SIK2: variants seen among roughly 807,000 people sequenced by gnomAD.
SIK2 encodes salt inducible kinase 2.
SIK2 carries 29 observed loss-of-function variants against 103.2 expected under a neutral mutation model. The ratio of observed to expected loss-of-function variants is 0.28; its 90% confidence interval spans 0.21 to 0.38. The LOEUF is 0.38. SIK2 is among the 10% of genes least tolerant of loss of function. The pLI is 1.00. For synonymous variants in SIK2, 412 were observed against 446.1 expected (o/e 0.92, Z 0.96); for missense variants, 879 against 1,171.0 (o/e 0.75, Z 3.64).
At chr11:111,714,601 A>C (rs551655291) in intron 9 of SIK2, among the ~76,000 whole-genome samples, 2 of 152,202 alleles carry the variant, frequency 1.3e-5, no homozygotes, top group Non-Finnish European at 2.9e-5. Context: ...ATAGACTATT[A>C]AGGTCTAGGG....
At chr11:111,620,250 T>G (rs1394044900) in intron 2 of SIK2, 89 bp from the exon 3 acceptor site, 5 of 812,294 alleles carry the variant, frequency 6.2e-6, no homozygotes, top group Non-Finnish European at 1.0e-5. Context: ...ATTCTTTTAT[T>G]AGTAGTTTCA....
chr11:111,643,439 C>T (rs1358212626), intron 3 of SIK2, among the ~76,000 whole-genome samples: 2 of 151,568 alleles, frequency 1.3e-5, no homozygotes, highest in Admixed American at 6.6e-5. Flanking sequence ...CAAACCTGTA[C>T]GTTCTGCCAT....
Position 111,630,181 on chromosome 11 carries a change from A to G in SIK2, c.316+9779A>G, listed in dbSNP as rs118109085. Among the ~76,000 whole-genome samples the G allele has an allele frequency of 6.7e-3, 1,016 of 152,334 alleles. 8 individuals carry two copies. Among genetic ancestry groups the G allele is most frequent in the Middle Eastern group, 0.061 (18 of 294 alleles). ...TTTATGCATGCAACAACATGCATAC[A>G]TCTTACAGACATGTGCTAAGTAAAA... On this transcript the variant is annotated intron_variant, in intron 3 of 14. Transcript: ENST00000304987.
chr11:111,708,377 G>A lies in SIK2; in HGVS notation c.1101+3238G>A, dbSNP rs571854251. 1.1e-3 allele frequency among the ~76,000 whole-genome samples: 165 copies of A among 151,964 alleles called. 1 individual carries two copies. The highest frequency in any genetic ancestry group is 3.8e-3 in the African/African-American group (157 of 41,426). ...AGTCTGGGCGACACAGTGAGGTTCT[G>A]TCCCAAAAAGTAAAACATAAAAAAA... On this transcript the variant is annotated intron_variant, in intron 8 of 14. Coordinates refer to ENST00000304987, the MANE Select transcript of SIK2 (RefSeq NM_015191.3).
At chr11:111,677,098 T>C (rs1942712584) in intron 3 of SIK2, among the ~76,000 whole-genome samples, 1 of 152,180 alleles carries the variant, frequency 6.6e-6, no homozygotes, top group African/African-American at 2.4e-5. Flanking sequence ...AAAGTACCTA[T>C]TTGGGGAATT....
chr11:111,643,914 T>C (rs1942217004), intron 3 of SIK2, among the ~76,000 whole-genome samples: 1 of 150,462 alleles, frequency 6.6e-6, no homozygotes, highest in African/African-American at 2.5e-5. Context: ...GCCCAGGAGG[T>C]CGAGGCTACA....
At chr11:111,640,154 T>C (rs1213104635) in intron 3 of SIK2, among the ~76,000 whole-genome samples, 2 of 152,216 alleles carry the variant, frequency 1.3e-5, no homozygotes, top group Non-Finnish European at 2.9e-5. Context: ...CTCTTGCTGT[T>C]TTTTGTGTCT....
intron 8 of SIK2, among the ~76,000 whole-genome samples, chr11:111,708,401 A>T (rs1202840908): frequency 2.6e-5 from 4 of 152,170 alleles, no homozygotes; most frequent in South Asian, 4.1e-4. Flanking sequence ...AACATAAAAA[A>T]AAATAAATAA....
In SIK2 at chr11:111,725,053, A is replaced by G. The variant is rs1943925194; in HGVS notation, c.*924A>G. On this transcript the variant is annotated 3_prime_UTR_variant, in exon 15 of 15. Transcript: ENST00000304987. ...GTAATAACTACTTTGACCTTACACT[A>G]TATGTTGCTAGTAGTTTATTGAGCT... 2 of 152,564 alleles carry G rather than the reference A, an allele frequency of 1.3e-5. No individual in the cohort carries two copies. Among genetic ancestry groups the G allele is most frequent in the African/African-American group, 4.8e-5 (2 of 41,428 alleles). 9.5% of individuals were successfully genotyped at this position (152,564 alleles called of 1,614,324 possible). A position where few individuals can be genotyped will look rare whatever the true frequency, so the allele number is the denominator to read the frequency against.
At chr11:111,648,901 T>A (rs1330267656) in intron 3 of SIK2, among the ~76,000 whole-genome samples, 1 of 152,190 alleles carries the variant, frequency 6.6e-6, no homozygotes, top group Non-Finnish European at 1.5e-5. Context: ...AGCATGTAGA[T>A]CTTTTGGAGA....
At position 111,701,085 on chromosome 11, in the gene SIK2, C is replaced by T; in HGVS notation, c.603+75C>T. 6.5e-7 allele frequency: 1 copy of T among 1,536,316 alleles called. No individual in the cohort carries two copies. Among genetic ancestry groups the T allele is most frequent in the Non-Finnish European group, 8.8e-7 (1 of 1,134,752 alleles). The stretch of plus-strand genomic sequence containing the variant: ...TTGGTGTTCTGGCCCATCTTAGAAG[C>T]TCCTGGTACTTAACACATAAGCAGT... On this transcript the variant is annotated intron_variant, in intron 5 of 14. Transcript: ENST00000304987. The surrounding 1 kb of genome is among the most constrained non-coding windows in gnomAD (Gnocchi z 4.2).
chr11:111,670,635 G>GCTC (rs1205842616), intron 3 of SIK2, among the ~76,000 whole-genome samples: 1 of 152,254 alleles, frequency 6.6e-6, no homozygotes, highest in Non-Finnish European at 1.5e-5. Flanking sequence ...CAAGGCTTGA[G>GCTC]CTCCTCTTGG....
intron 9 of SIK2, among the ~76,000 whole-genome samples, chr11:111,719,012 C>T (rs772852538): frequency 6.6e-6 from 1 of 152,168 alleles, no homozygotes; most frequent in Non-Finnish European, 1.5e-5. Flanking sequence ...AGCTGTGCTG[C>T]GCTCACCCCT....
chr11:111,636,097 G>T (rs976762993), intron 3 of SIK2, among the ~76,000 whole-genome samples: 5 of 152,286 alleles, frequency 3.3e-5, no homozygotes, highest in Admixed American at 3.3e-4. Flanking sequence ...TGTGAAAGGG[G>T]ATAACCAGAG....
chr11:111,682,291 C>A (rs889816743), intron 3 of SIK2, among the ~76,000 whole-genome samples: 4 of 152,062 alleles, frequency 2.6e-5, no homozygotes, highest in African/African-American at 9.7e-5. Context: ...AAGGACAAAT[C>A]CAGAATATAG....
Position 111,700,896 on chromosome 11 carries a change from T to C in SIK2, c.489T>C (p.Phe163=), listed in dbSNP as rs1368535883. ...TTTCCATCCTAATAGATTTCGGTTT[T>C]GGAAATTTCTTTAAAAGTGGTGAAC... is the stretch of plus-strand genomic sequence containing the variant. ...NMNIKIADFG[F]GNFFKSGELL... is the part of the protein sequence containing the mutation. The change falls in exon 5 of 15, where the codon TTT becomes TTC. Residue 163 remains phenylalanine, a synonymous_variant. Transcript: ENST00000304987. 1.2e-5 allele frequency: 20 copies of C among 1,613,888 alleles called. No individual in the cohort carries two copies. The highest frequency in any genetic ancestry group is 2.2e-5 in the East Asian group (1 of 44,896).
intron 8 of SIK2, among the ~76,000 whole-genome samples, chr11:111,710,783 T>G (rs1471094287): frequency 6.6e-6 from 1 of 152,234 alleles, no homozygotes; most frequent in Admixed American, 6.5e-5. Flanking sequence ...TCACACAATT[T>G]GTACGTGATG....
chr11:111,697,123 T>C (rs1352921345), intron 4 of SIK2, among the ~76,000 whole-genome samples: 1 of 152,236 alleles, frequency 6.6e-6, no homozygotes, highest in African/African-American at 2.4e-5. Context: ...GTAGTTAAAC[T>C]TGGTTTCTAT....
rs1048608965 is a variant in SIK2, at chr11:111,712,093, A to G, written c.1102-118A>G. 72 of 1,100,790 alleles carry G rather than the reference A, an allele frequency of 6.5e-5. No homozygotes were observed. The African/African-American group carries it at 6.9e-4, about 11-fold the overall frequency. 68.2% of individuals were successfully genotyped at this position (1,100,790 alleles called of 1,614,324 possible). A position where few individuals can be genotyped will look rare whatever the true frequency, so the allele number is the denominator to read the frequency against. ...TCACTAAATCTTTCTGGAGTTTCCA[A>G]TAAATAAATATTCATTCTTTAATTG... On this transcript the variant is annotated intron_variant, in intron 8 of 14. Transcript: ENST00000304987.
Sources: gnomAD v4.1 joint callset for allele counts (sites outside exome capture counted in the v4.1 genomes callset) on GRCh38, gnomAD v4.1.1 for gene constraint, Gnocchi (gnomAD v3.1) non-coding constraint, MANE v1.5 for transcripts, NCBI Gene and HGNC (gene_info 2026-07-23, HGNC 2026-07-21) for gene names.